The following PHTF2 variants were observed in gnomAD, a reference collection of about 807,000 sequenced individuals.
The protein encoded by PHTF2 is putative homeodomain transcription factor 2, also known as protein PHTF2.
In PHTF2, 60 loss-of-function variants were observed where a neutral mutation model predicts 101.2. That is an observed-to-expected ratio of 0.59 (90% CI 0.48 to 0.73). The LOEUF (loss-of-function observed/expected upper bound fraction) is 0.73. PHTF2 is among the 30% of genes least tolerant of loss of function. PHTF2 has a pLI of 0.00. For synonymous variants in PHTF2, 311 were observed against 307.3 expected, an observed-to-expected ratio of 1.01 and a Z score of -0.13; for missense variants, 747 against 908.7, an observed-to-expected ratio of 0.82 and a Z score of 2.29.
intron 1 of PHTF2, among the ~76,000 whole-genome samples, chr7:77,818,070 A>G (rs1793993904): frequency 6.6e-6 from 1 of 151,266 alleles, no homozygotes; most frequent in South Asian, 2.1e-4. Flanking sequence ...AGATTGCACT[A>G]CTGTACTCTA....
chr7:77,894,388 C>T (rs10252383), intron 5 of PHTF2, among the ~76,000 whole-genome samples: 88,140 of 151,982 alleles, frequency 0.58, 27,367 homozygotes, highest in African/African-American at 0.82. Flanking sequence ...ACAGTATTAC[C>T]TTAGTTACTT....
At chr7:77,860,042 A>AT (rs1485428648) in intron 3 of PHTF2, among the ~76,000 whole-genome samples, 1 of 152,202 alleles carries the variant, frequency 6.6e-6, no homozygotes, top group Non-Finnish European at 1.5e-5. Flanking sequence ...CACTTTTAAA[A>AT]AACTGCATGT....
rs573209665 is a variant in PHTF2, at chr7:77,828,810, G to A, written c.-35-11411G>A. ...TTGAACCCAGGAGGCGGCAGTTTCA[G>A]TGAGCCGAGATTGCACCACTGCACA... is the stretch of plus-strand genomic sequence containing the variant. On this transcript the variant is annotated intron_variant, in intron 1 of 19. Transcript: ENST00000416283. Among the ~76,000 whole-genome samples the A allele has an allele frequency of 6.6e-5, 10 of 152,016 alleles. No individual in the cohort carries two copies. In the South Asian group the frequency reaches 1.9e-3, roughly 28 times the overall value.
At chr7:77,943,641 A>G (rs1180681507) in intron 16 of PHTF2, among the ~76,000 whole-genome samples, 1 of 152,196 alleles carries the variant, frequency 6.6e-6, no homozygotes, top group African/African-American at 2.4e-5. Context: ...TTAAAATTTT[A>G]AAAACAAAAA....
chr7:77,863,924 G>A (rs1433531770), intron 3 of PHTF2, among the ~76,000 whole-genome samples: 2 of 151,854 alleles, frequency 1.3e-5, no homozygotes. Flanking sequence ...CTACAGGAGT[G>A]AGCCACCATC....
intron 1 of PHTF2, among the ~76,000 whole-genome samples, chr7:77,822,472 C>T (rs973170989): frequency 3.3e-5 from 5 of 152,058 alleles, no homozygotes; most frequent in Non-Finnish European, 5.9e-5. Flanking sequence ...GAGTGTGCAC[C>T]CTGTGCTCCT....
intron 1 of PHTF2, among the ~76,000 whole-genome samples, chr7:77,827,407 T>G (rs767860803): frequency 2.0e-5 from 3 of 152,112 alleles, no homozygotes; most frequent in Non-Finnish European, 4.4e-5. Flanking sequence ...CAGGCTAGAG[T>G]GTGGTGGTGC....
chr7:77,910,492 A>C, intron 9 of PHTF2, 83 bp downstream of exon 8: 6 of 890,338 alleles, frequency 6.7e-6, no homozygotes, highest in South Asian at 5.4e-5. Context: ...AATGAATATT[A>C]ATTACTTTAA....
At chr7:77,846,906 G>A (rs962881497) in intron 2 of PHTF2, among the ~76,000 whole-genome samples, 1 of 152,074 alleles carries the variant, frequency 6.6e-6, no homozygotes, top group Non-Finnish European at 1.5e-5. Context: ...GCCTCCCAAA[G>A]TGTCGACATT....
chr7:77,881,950 C>T (rs950592217), intron 3 of PHTF2, among the ~76,000 whole-genome samples: 11 of 152,112 alleles, frequency 7.2e-5, no homozygotes, highest in Admixed American at 2.0e-4. Flanking sequence ...CAGATTCTAC[C>T]ATAATCACTT....
rs1490278650 is a variant in PHTF2, at chr7:77,854,731, A to G, written c.46-2A>G. On this transcript the variant is annotated splice_acceptor_variant, in intron 2 of 19. Coordinates refer to ENST00000416283, the Ensembl canonical transcript of PHTF2. LOFTEE classifies it high-confidence loss of function. The stretch of plus-strand genomic sequence containing the variant: ...ACTCTTCTTTCTCCTTTGCTCATGT[A>G]GGAGTTTCTCTCTGTGGCCACCACC... 1.4e-6 allele frequency: 1 copy of G among 711,186 alleles called. No individual in the cohort carries two copies. The highest frequency in any genetic ancestry group is 1.7e-5 in the African/African-American group (1 of 57,720). The allele number at this position is 711,186 out of a possible 1,614,324, so 44.1% of individuals were successfully genotyped here.
intron 15 of PHTF2, among the ~76,000 whole-genome samples, chr7:77,942,201 C>G (rs559232184): frequency 6.6e-6 from 1 of 152,296 alleles, no homozygotes; most frequent in African/African-American, 2.4e-5. Flanking sequence ...ACCCTCAAAT[C>G]TAAATGAAGT....
intron 2 of PHTF2, among the ~76,000 whole-genome samples, chr7:77,850,911 T>C (rs1486695804): frequency 4.6e-5 from 7 of 152,208 alleles, no homozygotes; most frequent in Non-Finnish European, 8.8e-5. Flanking sequence ...GTTGATATGA[T>C]GTATGACATT....
At chr7:77,801,982 C>T (rs769648021) in intron 1 of PHTF2, among the ~76,000 whole-genome samples, 9 of 152,046 alleles carry the variant, frequency 5.9e-5, no homozygotes, top group East Asian at 1.9e-4. Flanking sequence ...ATATAAAGTA[C>T]GGGCACATAG....
intron 3 of PHTF2, among the ~76,000 whole-genome samples, chr7:77,882,505 G>T (rs1799502941): frequency 2.0e-5 from 3 of 152,128 alleles, no homozygotes. Context: ...GCAAGTGGTT[G>T]CAGAGCAAAC....
chr7:77,899,444 A>G (rs952592863), intron 5 of PHTF2, among the ~76,000 whole-genome samples: 1 of 152,004 alleles, frequency 6.6e-6, no homozygotes, highest in Non-Finnish European at 1.5e-5. Flanking sequence ...TTTACCAAGT[A>G]GGTGTGTTTG....
chr7:77,854,845 C>T (rs760761153), intron 3 of PHTF2: 1 of 756,292 alleles, frequency 1.3e-6, no homozygotes, highest in South Asian at 1.4e-5. Flanking sequence ...GTGAGTAATG[C>T]CAGGCCTGTT....
At chr7:77,894,572 A>C (rs1320470681) in intron 5 of PHTF2, among the ~76,000 whole-genome samples, 1 of 152,224 alleles carries the variant, frequency 6.6e-6, no homozygotes, top group African/African-American at 2.4e-5. Context: ...AGGAAGGATT[A>C]ATACATTTAA....
intron 2 of PHTF2, among the ~76,000 whole-genome samples, chr7:77,852,368 G>A (rs970417095): frequency 2.0e-5 from 3 of 152,130 alleles, no homozygotes; most frequent in African/African-American, 4.8e-5. Flanking sequence ...TTTATTTTTT[G>A]TGTATCTGTT....
Sources: allele counts gnomAD v4.1 joint callset (sites outside exome capture counted in the v4.1 genomes callset), GRCh38; gene constraint gnomAD v4.1.1; transcripts MANE v1.5; gene names NCBI Gene and HGNC (gene_info 2026-07-23, HGNC 2026-07-21).